ZC3H12B: variants seen among roughly 807,000 people sequenced by gnomAD.
ZC3H12B encodes probable ribonuclease ZC3H12B.
In ZC3H12B, 7 loss-of-function variants were observed where a neutral mutation model predicts 43.9. The observed-to-expected ratio is 0.16, with a 90% CI of 0.09 to 0.30. The LOEUF (loss-of-function observed/expected upper bound fraction) is 0.30. ZC3H12B is among the 10% of genes least tolerant of loss of function. The pLI is 1.00. For missense variants in ZC3H12B, 475 were observed against 670.2 expected (o/e 0.71, Z 3.22); for synonymous variants, 222 against 241.7 (o/e 0.92, Z 0.76).
intron 3 of ZC3H12B, among the ~76,000 whole-genome samples, chrX:65,418,916 C>T (rs940086331): frequency 8.9e-6 from 1 of 111,835 alleles, no homozygotes; most frequent in Non-Finnish European, 1.9e-5. Flanking sequence ...TGGCCTTTTA[C>T]CAGGGTAACT....
At chrX:65,161,048 A>G in the ZC3H12B span, among the ~76,000 whole-genome samples, 9 of 110,825 alleles carry the variant, frequency 8.1e-5, no homozygotes, top group African/African-American at 3.0e-4. Context: ...CAGGTTGTTC[A>G]GTTTCCATGT....
chrX:65,263,252 A>G, the ZC3H12B span, among the ~76,000 whole-genome samples: 2 of 111,634 alleles, frequency 1.8e-5, no homozygotes, highest in East Asian at 5.6e-4. Flanking sequence ...CAGAAGCAAC[A>G]CATATATAAT....
the ZC3H12B span, among the ~76,000 whole-genome samples, chrX:65,106,649 G>A: frequency 9.0e-6 from 1 of 111,090 alleles, no homozygotes; most frequent in East Asian, 2.8e-4. Flanking sequence ...GAAGGAGGTA[G>A]TTAAGAGTCC....
chrX:65,159,226 T>C, the ZC3H12B span, among the ~76,000 whole-genome samples: 8 of 112,099 alleles, frequency 7.1e-5, 1 homozygote, highest in African/African-American at 1.9e-4. Context: ...AGCTTTGTTC[T>C]TTTGGCTTAG....
At chrX:65,150,593 G>T in the ZC3H12B span, among the ~76,000 whole-genome samples, 1 of 110,517 alleles carries the variant, frequency 9.0e-6, no homozygotes, top group African/African-American at 3.3e-5. Flanking sequence ...GTGGTGTTTG[G>T]TTTTCTGTTC....
At chrX:65,412,521 A>G (rs1286103645) in intron 3 of ZC3H12B, among the ~76,000 whole-genome samples, 1 of 111,747 alleles carries the variant, frequency 8.9e-6, no homozygotes, top group African/African-American at 3.2e-5. Flanking sequence ...AGGCTGGAAT[A>G]CAGTGGCACA....
chrX:65,254,266 C>T, the ZC3H12B span, among the ~76,000 whole-genome samples: 2 of 112,583 alleles, frequency 1.8e-5, no homozygotes, highest in African/African-American at 6.5e-5. Flanking sequence ...TAGTATCCCG[C>T]CCCAGGTGAC....
At chrX:65,206,897 A>C in the ZC3H12B span, among the ~76,000 whole-genome samples, 2 of 111,061 alleles carry the variant, frequency 1.8e-5, no homozygotes, top group Non-Finnish European at 3.8e-5. Flanking sequence ...CAACAAATAC[A>C]TGAAGAAATA....
At chrX:65,237,021 G>A in the ZC3H12B span, among the ~76,000 whole-genome samples, 1 of 111,978 alleles carries the variant, frequency 8.9e-6, no homozygotes, top group East Asian at 2.8e-4. Context: ...AATTGCTGTG[G>A]CTGTTTGGGC....
the ZC3H12B span, among the ~76,000 whole-genome samples, chrX:65,058,052 T>C: frequency 8.9e-6 from 1 of 112,233 alleles, no homozygotes; most frequent in Non-Finnish European, 1.9e-5. Context: ...CTCGGAGAAG[T>C]TTGATCGTCT....
chrX:65,267,187 T>C, the ZC3H12B span, among the ~76,000 whole-genome samples: 2 of 98,959 alleles, frequency 2.0e-5, no homozygotes, highest in African/African-American at 5.0e-5. Flanking sequence ...AGAGTATTTT[T>C]TTTCTTTCTT....
At chrX:65,155,711 T>C in the ZC3H12B span, among the ~76,000 whole-genome samples, 2 of 110,643 alleles carry the variant, frequency 1.8e-5, no homozygotes, top group Non-Finnish European at 3.8e-5. Context: ...AATAAAAAAA[T>C]TAGCCAGGCG....
At chrX:65,381,701 T>C (rs983302369) in intron 2 of ZC3H12B, among the ~76,000 whole-genome samples, 1 of 111,518 alleles carries the variant, frequency 9.0e-6, no homozygotes, top group Non-Finnish European at 1.9e-5. Flanking sequence ...ATTGATAGAC[T>C]GCTAGCAAGA....
chrX:65,319,350 A>T, the ZC3H12B span, among the ~76,000 whole-genome samples: 1 of 111,926 alleles, frequency 8.9e-6, no homozygotes, highest in African/African-American at 3.2e-5. Flanking sequence ...TTCTGGAAAC[A>T]TACAACCTCC....
chrX:65,211,739 T>A, the ZC3H12B span, among the ~76,000 whole-genome samples: 7 of 85,782 alleles, frequency 8.2e-5, no homozygotes, highest in African/African-American at 3.1e-4. Flanking sequence ...TAATAATATA[T>A]ATATTATATA....
At chrX:65,123,907 T>C in the ZC3H12B span, among the ~76,000 whole-genome samples, 1 of 110,485 alleles carries the variant, frequency 9.1e-6, no homozygotes, top group African/African-American at 3.3e-5. Context: ...CTTTAGGGTT[T>C]TCTAAGTGTA....
At chrX:65,225,771 A>G in the ZC3H12B span, among the ~76,000 whole-genome samples, 560 of 112,261 alleles carry the variant, frequency 5.0e-3, 2 homozygotes, top group African/African-American at 0.016. Flanking sequence ...AAGAAAGGGT[A>G]TCAGTCATGG....
At chrX:65,366,935 A>C (rs1432457431) in intron 1 of ZC3H12B, among the ~76,000 whole-genome samples, 169 bp downstream of exon 3, 2 of 112,642 alleles carry the variant, frequency 1.8e-5, no homozygotes, top group Non-Finnish European at 1.9e-5. Context: ...AACTTGGAAG[A>C]TCAGGAAAAT....
chrX:65,335,844 C>A, the ZC3H12B span, among the ~76,000 whole-genome samples: 1 of 111,815 alleles, frequency 8.9e-6, no homozygotes, highest in African/African-American at 3.2e-5. Context: ...ATGGCAGAGA[C>A]CAAGGGAAAG....
Sources: gnomAD v4.1 joint callset for allele counts (sites outside exome capture counted in the v4.1 genomes callset) on GRCh38, gnomAD v4.1.1 for gene constraint, MANE v1.5 for transcripts, NCBI Gene and HGNC (gene_info 2026-07-23, HGNC 2026-07-21) for gene names.